The following MCRS1 variants were observed in gnomAD, a reference collection of about 807,000 sequenced individuals.
MCRS1 encodes the protein microspherule protein 1.
A neutral mutation model predicts 62.9 loss-of-function variants in MCRS1; 22 were observed. The observed-to-expected ratio is 0.35, with a 90% CI of 0.25 to 0.50. The LOEUF (loss-of-function observed/expected upper bound fraction) is 0.50. Ranked by LOEUF, MCRS1 falls within the 20% of genes least tolerant of loss-of-function variation. MCRS1 has a pLI of 0.98. For missense variants in MCRS1, 456 were observed against 601.1 expected (o/e 0.76, Z 2.52); for synonymous variants, 244 against 233.5 (o/e 1.04, Z -0.41).
chr12:49,560,180 G>C, intron 9 of MCRS1, 115 bp downstream of exon 9: 4 of 1,256,504 alleles, frequency 3.2e-6, no homozygotes, highest in Non-Finnish European at 4.6e-6. Flanking sequence ...GGCTCAGCCA[G>C]GGGGGGCCAA....
At chr12:49,566,000 GA>G (rs1939036692) in intron 3 of MCRS1, 76 bp downstream of exon 3, 28 of 1,544,106 alleles carry the variant, frequency 1.8e-5, no homozygotes, top group Non-Finnish European at 2.0e-5. Context: ...ATTCCCAACA[GA>G]TGGGGAGGCA....
chr12:49,559,218 T>C lies in MCRS1; in HGVS notation c.1170A>G (p.Lys390=). 6.2e-7 allele frequency: 1 copy of C among 1,613,650 alleles called. No individual in the cohort carries two copies. Among genetic ancestry groups the C allele is most frequent in the Non-Finnish European group, 8.5e-7 (1 of 1,179,790 alleles). The change falls in exon 13 of 15, where the codon AAA becomes AAG. Residue 390 remains lysine (K), a synonymous_variant. Transcript: ENST00000343810. The surrounding 1 kb of genome is among the most constrained non-coding windows in gnomAD (Gnocchi z 5.2). The part of the protein sequence containing the change: ...LEGPAWKISR[K]QGVIKLKNNG... Reference sequence around the variant, plus strand: ...GGGGCAGGGGGTGGGGGATACCTTGTTTCCGGGATATCTTCCAGGCCGGAC... The same window carrying C: ...GGGGCAGGGGGTGGGGGATACCTTGCTTCCGGGATATCTTCCAGGCCGGAC...
chr12:49,562,632 C>A lies in MCRS1; in HGVS notation c.805+369G>T, dbSNP rs139536970. ...GGTGGAAAACAAACTGAAGGGTGGG[C>A]AGGAAAGTGGACTTTCTTATTTTGC... is the stretch of plus-strand genomic sequence containing the variant. On this transcript the variant is annotated intron_variant, in intron 8 of 14. Transcript: ENST00000343810. Among the ~76,000 whole-genome samples the A allele has an allele frequency of 8.9e-4, 135 of 152,140 alleles. 1 individual carries two copies. Among genetic ancestry groups the A allele is most frequent in the African/African-American group, 2.9e-3 (122 of 41,512 alleles).
At position 49,564,893 on chromosome 12, in the gene MCRS1, T is replaced by C. The variant is rs768759179; in HGVS notation, c.291A>G (p.Val97=). The C allele has an allele frequency of 9.4e-6, 15 of 1,592,118 alleles. No homozygotes were observed. In the East Asian group the frequency reaches 3.1e-4, roughly 33 times the overall value. Residue 97 remains valine, a splice_region_variant and synonymous_variant, in exon 5 of 15, where the codon GTA becomes GTG. Transcript: ENST00000343810. ...SEPSSSEKKK[V]SKAPSTPVPP... ...GCACAGGAGTGCTGGGGGCTTTGGA[T>C]ACCTGGGCAGAGGACAGGAACAAAC...
At chr12:49,566,960 A>G in intron 1 of MCRS1, 119 bp from the exon 2 acceptor site, 1 of 589,758 alleles carries the variant, frequency 1.7e-6, no homozygotes, top group Non-Finnish European at 3.0e-6. Context: ...AGGACAGGAA[A>G]GAGGCATAAG....
At chr12:49,562,840 C>T (rs994251121) in intron 8 of MCRS1, among the ~76,000 whole-genome samples, 161 bp downstream of exon 8, 3 of 152,234 alleles carry the variant, frequency 2.0e-5, no homozygotes, top group Non-Finnish European at 4.4e-5. Flanking sequence ...CACTTTCTCT[C>T]TCTGGAAAGT....
chr12:49,566,320 C>T, intron 2 of MCRS1, 105 bp from the exon 3 acceptor site: 1 of 1,564,342 alleles, frequency 6.4e-7, no homozygotes, highest in East Asian at 2.3e-5. Flanking sequence ...TTGGCCCCTC[C>T]CCTGCCTCCT....
intron 6 of MCRS1, among the ~76,000 whole-genome samples, chr12:49,563,750 G>A (rs906407631): frequency 6.6e-6 from 1 of 152,164 alleles, no homozygotes; most frequent in African/African-American, 2.4e-5. Flanking sequence ...AGAAAACGGA[G>A]GCCCCTATGT....
Position 49,563,521 on chromosome 12 carries a change from G to C in MCRS1, c.583C>G (p.Leu195Val). Residue 195 changes from leucine to valine, a missense_variant, in exon 7 of 15, where the codon CTG (leucine) becomes GTG (valine). Physicochemically the swap from Leu to Val is conservative, Grantham distance 32 (BLOSUM62 1). Around this residue, in one of 3 missense-constraint regions of MCRS1, gnomAD observed 393 missense variants for 523.5 expected, o/e 0.75. Coordinates refer to ENST00000343810, the MANE Select transcript of MCRS1 (RefSeq NM_006337.5). Reference protein sequence around the residue: ...SKLACQAMRQLHPEAIAAIQS... With the variant: ...SKLACQAMRQVHPEAIAAIQS... ...ATGGCTGCAATAGCCTCTGGGTGCA[G>C]CTGCCTCATGGCCTGACAGGCCAAC... 6.2e-7 allele frequency: 1 copy of C among 1,611,092 alleles called. No homozygotes were observed. Among genetic ancestry groups the C allele is most frequent in the Non-Finnish European group, 8.5e-7 (1 of 1,179,160 alleles).
chr12:49,560,207 A>G, intron 9 of MCRS1, 88 bp downstream of exon 9: 1 of 1,441,554 alleles, frequency 6.9e-7, no homozygotes, highest in South Asian at 1.1e-5. Context: ...ACGGGAGCCC[A>G]AGGGCTGGGG....
intron 3 of MCRS1, 64 bp from the exon 4 acceptor site, chr12:49,565,731 A>G (rs1939023769): frequency 6.2e-7 from 1 of 1,610,008 alleles, no homozygotes; most frequent in Non-Finnish European, 8.5e-7. Context: ...ACACACCCCC[A>G]GCCCCCAAAA....
At chr12:49,564,419 C>T in intron 6 of MCRS1, 62 bp downstream of exon 6, 1 of 1,417,542 alleles carries the variant, frequency 7.1e-7, no homozygotes, top group South Asian at 1.2e-5. Flanking sequence ...ATTCCCTCTG[C>T]TCCAGGACCC....
intron 8 of MCRS1, among the ~76,000 whole-genome samples, chr12:49,562,046 C>T (rs1197861366): frequency 6.6e-6 from 1 of 152,106 alleles, no homozygotes; most frequent in Admixed American, 6.5e-5. Flanking sequence ...TTTTGGAAGC[C>T]GCAGGAATAA....
rs1382248373 is a variant in MCRS1, at chr12:49,563,107, G to A, written c.699C>T (p.Asp233=). ...AGGCATCAGGGTGTCTGTGCAGCAGGTCCTGGAAGGTCTCCAAGGTGGGCT... is the reference window on the plus strand; with the variant it reads ...AGGCATCAGGGTGTCTGTGCAGCAGATCCTGGAAGGTCTCCAAGGTGGGCT... ...TSQPTLETFQ[D]LLHRHPDAFY... is the part of the protein sequence containing the mutation. Residue 233 remains aspartate, a synonymous_variant, in exon 8 of 15, where the codon GAC becomes GAT. Coordinates refer to ENST00000343810, the MANE Select transcript of MCRS1 (RefSeq NM_006337.5). 24 of 1,563,970 alleles carry A rather than the reference G, an allele frequency of 1.5e-5. No homozygotes were observed. Among genetic ancestry groups the A allele is most frequent in the Non-Finnish European group, 2.1e-5 (24 of 1,152,958 alleles).
chr12:49,560,441 C>A (rs1186964508), intron 8 of MCRS1, 71 bp from the exon 9 acceptor site: 1 of 1,406,780 alleles, frequency 7.1e-7, no homozygotes, highest in African/African-American at 1.4e-5. Context: ...GACCACTAAG[C>A]CAAGTGGACC....
At chr12:49,565,947 A>G (rs866837279) in intron 3 of MCRS1, 130 bp downstream of exon 3, 1 of 1,345,438 alleles carries the variant, frequency 7.4e-7, no homozygotes, top group South Asian at 1.4e-5. Context: ...GGAAAAGCAC[A>G]AGGCTCTGCC....
In MCRS1 at chr12:49,559,458, G is replaced by A. The variant is rs1938637047; in HGVS notation, c.1081C>T (p.Arg361Cys). The change falls in exon 12 of 15, where the codon CGT (arginine) becomes TGT (cysteine). Residue 361 changes from arginine to cysteine, a missense_variant. By Grantham distance (180) the Arg-to-Cys change is radical (BLOSUM62 -3). This residue lies in a region of MCRS1 where 393 missense variants were observed against 523.5 expected (regional missense o/e 0.75). Coordinates refer to ENST00000343810, the MANE Select transcript of MCRS1 (RefSeq NM_006337.5). The surrounding 1 kb of genome is among the most constrained non-coding windows in gnomAD (Gnocchi z 5.2). ...GRMVRYLMRS[R>C]EITLGRATKD... Reference sequence around the variant, plus strand: ...CGGGGATGGGCCTGCCTCACCTCACGCGAGCGCATCAGGTACCGCACCATG... The same window carrying A: ...CGGGGATGGGCCTGCCTCACCTCACACGAGCGCATCAGGTACCGCACCATG... 1 of 1,613,850 alleles carries A rather than the reference G, an allele frequency of 6.2e-7. No homozygotes were observed. Among genetic ancestry groups the A allele is most frequent in the Non-Finnish European group, 8.5e-7 (1 of 1,180,028 alleles).
chr12:49,558,758 C>T (rs1384605826), intron 14 of MCRS1, 29 bp from the exon 15 acceptor site: 2 of 1,613,454 alleles, frequency 1.2e-6, no homozygotes, highest in Non-Finnish European at 1.7e-6. Context: ...TGGCTTAAGA[C>T]AGAGGTGGCA....
intron 6 of MCRS1, among the ~76,000 whole-genome samples, 164 bp from the exon 7 acceptor site, chr12:49,563,710 A>G (rs991914948): frequency 1.3e-5 from 2 of 152,232 alleles, no homozygotes; most frequent in African/African-American, 4.8e-5. Flanking sequence ...GTGGCTCCAC[A>G]GGTTTGTCAA....
Sources: gnomAD v4.1 joint callset for allele counts (sites outside exome capture counted in the v4.1 genomes callset) on GRCh38, gnomAD v4.1.1 for gene constraint, gnomAD v4.1.1 regional missense constraint, Gnocchi (gnomAD v3.1) non-coding constraint, MANE v1.5 for transcripts, NCBI Gene and HGNC (gene_info 2026-07-23, HGNC 2026-07-21) for gene names.